AASS: variants seen among roughly 807,000 people sequenced by gnomAD.
AASS encodes the protein aminoadipate-semialdehyde synthase.
Under a neutral mutation model 105.4 loss-of-function variants are expected in AASS, and 86 were observed. That is an observed-to-expected ratio of 0.82 (90% CI 0.69 to 0.98). AASS has a LOEUF of 0.98. AASS is among the 50% of genes least tolerant of loss of function. The probability of loss-of-function intolerance (pLI) is 0.00; values close to 1 mark genes in which losing one functional copy is unlikely to be tolerated. For synonymous variants in AASS, 381 were observed against 394.8 expected (o/e 0.96, Z 0.41); for missense variants, 1,048 against 1,143.2 (o/e 0.92, Z 1.20).
intron 19 of AASS, chr7:122,081,869 TG>T: frequency 4.9e-6 from 2 of 408,646 alleles, no homozygotes; most frequent in Non-Finnish European, 8.9e-6. Context: ...ACAATTCTAC[TG>T]GTTTACATAA....
At position 122,073,784 on chromosome 7, in the gene AASS, A is replaced by C. The variant is rs79208795; in HGVS notation, c.*2705T>G. Among the ~76,000 whole-genome samples the C allele has an allele frequency of 2.6e-5, 4 of 152,242 alleles. No homozygotes were observed. Among genetic ancestry groups the C allele is most frequent in the African/African-American group, 4.8e-5 (2 of 41,536 alleles). ...GCAACCACTAATCTGCCTTCTCTCTATATATATTCGCCTGTTCTGGACATT... is the reference window on the plus strand; with the variant it reads ...GCAACCACTAATCTGCCTTCTCTCTCTATATATTCGCCTGTTCTGGACATT... On this transcript the variant is annotated 3_prime_UTR_variant, in exon 24 of 24. Transcript: ENST00000417368.
chr7:122,103,890 A>G (rs1794544424), intron 11 of AASS, among the ~76,000 whole-genome samples: 1 of 152,110 alleles, frequency 6.6e-6, no homozygotes, highest in African/African-American at 2.4e-5. Context: ...AGTATAAAAT[A>G]GTCTATTATA....
At chr7:122,144,010 G>T (rs545783487) in intron 1 of AASS, among the ~76,000 whole-genome samples, 151 bp downstream of exon 1, 1 of 152,160 alleles carries the variant, frequency 6.6e-6, no homozygotes, top group African/African-American at 2.4e-5. Context: ...GCCCGGCCGG[G>T]GTCGCCTCGC....
intron 9 of AASS, 58 bp downstream of exon 9, chr7:122,115,016 C>T (rs1795100996): frequency 3.1e-6 from 5 of 1,610,544 alleles, no homozygotes; most frequent in Non-Finnish European, 4.2e-6. Flanking sequence ...ATATTTGATC[C>T]TCTAATAATG....
intron 1 of AASS, among the ~76,000 whole-genome samples, chr7:122,138,862 G>A (rs1255365235): frequency 2.0e-5 from 3 of 151,954 alleles, no homozygotes; most frequent in Non-Finnish European, 2.9e-5. Flanking sequence ...GACAGAGCTC[G>A]GCACTCCATA....
At position 122,098,862 on chromosome 7, in the gene AASS, G is replaced by A. The variant is rs750482228; in HGVS notation, c.1411C>T (p.Arg471Cys). 48 of 1,279,322 alleles carry A rather than the reference G, an allele frequency of 3.8e-5. 1 individual carries two copies. Among genetic ancestry groups the A allele is most frequent in the South Asian group, 2.3e-4 (17 of 75,132 alleles). The allele number at this position is 1,279,322 out of a possible 1,614,324, so 79.2% of individuals were successfully genotyped here. ...YIQTLRESRE[R>C]AQSLSMGTRR... ...GTGCCCATTGAAAGTGACTGAGCAC[G>A]TTCCCTATTTAAAAAAAAAAAAAAA... is the stretch of plus-strand genomic sequence containing the variant. Residue 471 changes from arginine to cysteine, a missense_variant, in exon 14 of 24, where the codon CGT (arginine) becomes TGT (cysteine). Arg to Cys is a radical substitution (Grantham distance 180, BLOSUM62 -3). Coordinates refer to ENST00000417368, the MANE Select transcript of AASS (RefSeq NM_005763.4).
chr7:122,096,728 A>G (rs1257117578), intron 15 of AASS, among the ~76,000 whole-genome samples: 1 of 152,164 alleles, frequency 6.6e-6, no homozygotes. Context: ...AAAACATTAA[A>G]TATAAAACAG....
chr7:122,098,522 G>T lies in AASS; in HGVS notation c.1583C>A (p.Pro528His). ...TTGTTTACAAATGTCCATGCTAACA[G>T]GATTAATATTATATTTCTTGCCTAA... Reference protein sequence around the residue: ...EQLGKKYNINPVSMDICKQEE... With the variant: ...EQLGKKYNINHVSMDICKQEE... Residue 528 changes from proline to histidine, a missense_variant, in exon 15 of 24, where the codon CCT becomes CAT. By Grantham distance (77) the Pro-to-His change is moderately conservative (BLOSUM62 -2). Transcript: ENST00000417368. 1 of 1,611,006 alleles carries T rather than the reference G, an allele frequency of 6.2e-7. No individual in the cohort carries two copies.
chr7:122,076,548 A>G lies in AASS; in HGVS notation c.2722T>C (p.Leu908=). 1 of 1,613,922 alleles carries G rather than the reference A, an allele frequency of 6.2e-7. No individual in the cohort carries two copies. Among genetic ancestry groups the G allele is most frequent in the Non-Finnish European group, 8.5e-7 (1 of 1,179,824 alleles). ...ATGCCTTCTGCTTTAATTCGCTCCA[A>G]TATTGGTCCATAGATCTCCTTTGAA... ...PFSKEIYGPI[L]ERIKAEGIIY... The change falls in exon 24 of 24, where the codon TTG becomes CTG. Residue 908 remains leucine (L), a synonymous_variant. Coordinates refer to ENST00000417368, the MANE Select transcript of AASS (RefSeq NM_005763.4).
chr7:122,102,016 C>T (rs371081581), intron 11 of AASS, among the ~76,000 whole-genome samples: 18 of 151,852 alleles, frequency 1.2e-4, no homozygotes, highest in African/African-American at 4.3e-4. Context: ...AGCTTTATAG[C>T]TATAGTCCTC....
Position 122,133,528 on chromosome 7 carries a change from T to C in AASS, c.199A>G (p.Ile67Val). Reference sequence around the variant, plus strand: ...TTGGAAATACTCACCTTATCATGAATGGCCCGCCGATTCGAAGGCTGTATC... The same window carrying C: ...TTGGAAATACTCACCTTATCATGAACGGCCCGCCGATTCGAAGGCTGTATC... ...VLIQPSNRRAIHDKDYVKAGG... is the reference protein window; with the variant it reads ...VLIQPSNRRAVHDKDYVKAGG... Residue 67 changes from isoleucine (I) to valine (V), a missense_variant, in exon 2 of 24, where the codon ATT becomes GTT. Ile to Val is a conservative substitution (Grantham distance 29). Coordinates refer to ENST00000417368, the MANE Select transcript of AASS (RefSeq NM_005763.4). The C allele has an allele frequency of 6.2e-7, 1 of 1,614,216 alleles. No homozygotes were observed. Among genetic ancestry groups the C allele is most frequent in the Non-Finnish European group, 8.5e-7 (1 of 1,180,032 alleles).
chr7:122,130,184 A>G (rs1047013652), intron 2 of AASS, among the ~76,000 whole-genome samples: 1 of 152,090 alleles, frequency 6.6e-6, no homozygotes, highest in Admixed American at 6.5e-5. Flanking sequence ...TCAAAAAAAT[A>G]TGAAAATTAA....
At chr7:122,083,580 T>C (rs1285286777) in intron 19 of AASS, among the ~76,000 whole-genome samples, 2 of 152,006 alleles carry the variant, frequency 1.3e-5, no homozygotes, top group East Asian at 3.9e-4. Flanking sequence ...TAATGCCTAG[T>C]CCATGGTAAG....
intron 11 of AASS, among the ~76,000 whole-genome samples, chr7:122,111,765 T>C (rs530010006): frequency 6.6e-6 from 1 of 152,084 alleles, no homozygotes; most frequent in East Asian, 1.9e-4. Flanking sequence ...TAGCCAGGCG[T>C]GGTGGCACAC....
intron 1 of AASS, among the ~76,000 whole-genome samples, chr7:122,136,174 C>T (rs1796131001): frequency 6.6e-6 from 1 of 152,154 alleles, no homozygotes; most frequent in South Asian, 2.1e-4. Context: ...CATCAGACTG[C>T]AATCTTGGAA....
At chr7:122,093,409 T>C (rs1793999640) in intron 15 of AASS, among the ~76,000 whole-genome samples, 1 of 152,184 alleles carries the variant, frequency 6.6e-6, no homozygotes, top group South Asian at 2.1e-4. Context: ...TGGTTATCTA[T>C]CCAAAGGAAA....
chr7:122,117,907 C>G (rs758157274), intron 6 of AASS, among the ~76,000 whole-genome samples: 9 of 152,010 alleles, frequency 5.9e-5, no homozygotes, highest in Admixed American at 2.6e-4. Flanking sequence ...CCGCCTGCCT[C>G]GGCCTCCCAA....
chr7:122,091,821 C>T lies in AASS; in HGVS notation c.1898G>A (p.Cys633Tyr). 2.5e-6 allele frequency: 4 copies of T among 1,609,844 alleles called. No individual in the cohort carries two copies. The highest frequency in any genetic ancestry group is 3.4e-6 in the Non-Finnish European group (4 of 1,176,510). ...GATIESYISY[C>Y]GGLPAPEHSN... is the part of the protein sequence containing the mutation. ...ATGTTCAGGGGCTGGAAGCCCACCA[C>T]AGTAGGAAATATATGATTCAATCTA... Residue 633 changes from cysteine to tyrosine, a missense_variant, in exon 18 of 24, where the codon TGT (cysteine) becomes TAT (tyrosine). By Grantham distance (194) the Cys-to-Tyr change is radical. Coordinates refer to ENST00000417368, the MANE Select transcript of AASS (RefSeq NM_005763.4).
intron 19 of AASS, among the ~76,000 whole-genome samples, chr7:122,084,652 C>T (rs1562905247): frequency 1.3e-5 from 2 of 151,490 alleles, no homozygotes; most frequent in Admixed American, 6.6e-5. Context: ...GAATAAAGCC[C>T]GAAGGAGGAT....
Sources: gnomAD v4.1 joint callset for allele counts (sites outside exome capture counted in the v4.1 genomes callset) on GRCh38, gnomAD v4.1.1 for gene constraint, MANE v1.5 for transcripts, NCBI Gene and HGNC (gene_info 2026-07-23, HGNC 2026-07-21) for gene names.